CRYBG1: variants seen among roughly 807,000 people sequenced by gnomAD.
CRYBG1 encodes crystallin beta-gamma domain containing 1.
A neutral mutation model predicts 189.2 loss-of-function variants in CRYBG1; 139 were observed. That is an observed-to-expected ratio of 0.73 (90% CI 0.64 to 0.85). CRYBG1 has a LOEUF of 0.85. Among genes scored for constraint, CRYBG1 ranks in the 40% least tolerant of loss-of-function variants. The probability of loss-of-function intolerance (pLI) is 0.00; values close to 1 mark genes in which losing one functional copy is unlikely to be tolerated. For missense variants in CRYBG1, 2,611 were observed against 2,675.8 expected (o/e 0.98, Z 0.53); for synonymous variants, 1,023 against 1,017.1 (o/e 1.01, Z -0.11).
chr6:106,399,883 T>G (rs11755599), intron 1 of CRYBG1, among the ~76,000 whole-genome samples: 21,782 of 151,734 alleles, frequency 0.14, 1,742 homozygotes, highest in African/African-American at 0.21. Flanking sequence ...ACACCTGTAA[T>G]CCCAGCACTT....
intron 1 of CRYBG1, among the ~76,000 whole-genome samples, chr6:106,391,316 A>G (rs1417848571): frequency 1.3e-5 from 2 of 152,164 alleles, no homozygotes; most frequent in African/African-American, 2.4e-5. Flanking sequence ...TCCTGACCTC[A>G]GGTGATCTGC....
At chr6:106,541,805 C>T (rs1376243141) in intron 10 of CRYBG1, among the ~76,000 whole-genome samples, 184 bp downstream of exon 10, 9 of 152,130 alleles carry the variant, frequency 5.9e-5, no homozygotes, top group Admixed American at 2.0e-4. Flanking sequence ...CACTTGCCAT[C>T]CTTCAGGGTG....
rs747913472 is a variant in CRYBG1 at position 106,541,587 on chromosome 6, G to T, written c.4847G>T (p.Gly1616Val). 5 of 1,611,640 alleles carry T rather than the reference G, an allele frequency of 3.1e-6. No homozygotes were observed. Among genetic ancestry groups the T allele is most frequent in the Non-Finnish European group, 4.2e-6 (5 of 1,178,254 alleles). ...TTCTTACTATGTTGTTTTTTTCAGG[G>T]TGGCCGTAAAGTTGAATTCCCTACA... ...YIGSMRPLKM[G>V]GRKVEFPTDP... The change falls in exon 10 of 22, where the codon GGT becomes GTT. Residue 1616 changes from glycine to valine, a missense_variant and splice_region_variant. Coordinates refer to ENST00000633556, the MANE Select transcript of CRYBG1 (RefSeq NM_001371242.2).
rs898609015 is a variant in CRYBG1, at chr6:106,571,825, T to C, written c.*3259T>C. ...GACTACAGACAAATCCAAGTGCTGA[T>C]ATTTTTATATCAATTACTGGCCAAA... On this transcript the variant is annotated 3_prime_UTR_variant, in exon 22 of 22. Transcript: ENST00000633556. 1 of 557,996 alleles carries C rather than the reference T, an allele frequency of 1.8e-6. No individual in the cohort carries two copies. The highest frequency in any genetic ancestry group is 2.9e-5 in the East Asian group (1 of 34,068). 34.6% of individuals were successfully genotyped at this position (557,996 alleles called of 1,614,324 possible). A position where few individuals can be genotyped will look rare whatever the true frequency, so the allele number is the denominator to read the frequency against.
intron 1 of CRYBG1, among the ~76,000 whole-genome samples, chr6:106,381,080 C>T (rs138709980): frequency 1.7e-3 from 260 of 152,258 alleles, no homozygotes; most frequent in African/African-American, 6.0e-3. Flanking sequence ...GATGTACATA[C>T]ATTTGTGTCT....
Position 106,539,478 on chromosome 6 carries a change from C to T in CRYBG1, c.4794C>T (p.Ser1598=). Reference sequence around the variant, plus strand: ...AACCTGGTGAATACCCTGACTTGTCCTTCTGGGATACAGAAGAAGCGTACA... The same window carrying T: ...AACCTGGTGAATACCCTGACTTGTCTTTCTGGGATACAGAAGAAGCGTACA... The part of the protein sequence containing the change: ...ILEPGEYPDL[S]FWDTEEAYIG... The change falls in exon 9 of 22, where the codon TCC becomes TCT. Residue 1598 remains serine (S), a synonymous_variant. Transcript: ENST00000633556. 1 of 1,613,918 alleles carries T rather than the reference C, an allele frequency of 6.2e-7. No individual in the cohort carries two copies. The highest frequency in any genetic ancestry group is 8.5e-7 in the Non-Finnish European group (1 of 1,179,882).
chr6:106,437,334 A>T (rs954119490), intron 1 of CRYBG1, among the ~76,000 whole-genome samples: 3 of 152,062 alleles, frequency 2.0e-5, no homozygotes, highest in African/African-American at 7.2e-5. Flanking sequence ...TATTTGCTGA[A>T]AGTATTTTCT....
chr6:106,361,340 A>G (rs1771865815), intron 1 of CRYBG1, among the ~76,000 whole-genome samples: 2 of 152,178 alleles, frequency 1.3e-5, no homozygotes, highest in African/African-American at 4.8e-5. Context: ...TATGACTGCA[A>G]AGTTTTCATG....
In CRYBG1 at chr6:106,553,537, C is replaced by T; in HGVS notation, c.5555C>T (p.Ser1852Phe). 6.2e-7 allele frequency: 1 copy of T among 1,613,534 alleles called. No homozygotes were observed. The highest frequency in any genetic ancestry group is 8.5e-7 in the Non-Finnish European group (1 of 1,179,466). The change falls in exon 16 of 22, where the codon TCT (serine) becomes TTT (phenylalanine). Residue 1852 changes from serine (S) to phenylalanine (F), a missense_variant. Around this residue, in one of 3 missense-constraint regions of CRYBG1, gnomAD observed 1,622 missense variants for 1,735.0 expected, o/e 0.93. Coordinates refer to ENST00000633556, the MANE Select transcript of CRYBG1 (RefSeq NM_001371242.2). Reference sequence around the variant, plus strand: ...ACAAGTCAAATTGATGATTCATTTTCTACCAAGTCTTGCAGAGTTTCAGGA... The same window carrying T: ...ACAAGTCAAATTGATGATTCATTTTTTACCAAGTCTTGCAGAGTTTCAGGA... Reference protein sequence around the residue: ...ETTSQIDDSFSTKSCRVSGGS... With the variant: ...ETTSQIDDSFFTKSCRVSGGS...
rs1206807544 is a variant in CRYBG1, at chr6:106,498,888, T to C, written c.313-12542T>C. Among the ~76,000 whole-genome samples the C allele has an allele frequency of 2.0e-5, 3 of 151,258 alleles. No individual in the cohort carries two copies. The East Asian group carries it at 5.8e-4, about 29-fold the overall frequency. On this transcript the variant is annotated intron_variant, in intron 2 of 21. Transcript: ENST00000633556. Reference sequence around the variant, plus strand: ...AGACCCGTCTCAAAAAGAAAAAAAATAAATATAGAGGTATATTTATTGGCA... The same window carrying C: ...AGACCCGTCTCAAAAAGAAAAAAAACAAATATAGAGGTATATTTATTGGCA...
Position 106,553,564 on chromosome 6 carries a change from G to A in CRYBG1, c.5582G>A (p.Gly1861Asp), listed in dbSNP as rs1475526584. Residue 1861 changes from glycine (G) to aspartate (D), a missense_variant, in exon 16 of 22, where the codon GGC becomes GAC. By Grantham distance (94) the Gly-to-Asp change is moderately conservative (BLOSUM62 -1). This residue lies in a region of CRYBG1 where 1,622 missense variants were observed against 1,735.0 expected (regional missense o/e 0.93). Transcript: ENST00000633556. ...ACCAAGTCTTGCAGAGTTTCAGGAG[G>A]CAGGTAAGTGAAACAAAGGCCTGGC... ...FSTKSCRVSG[G>D]SWVVYDGENF... 2.5e-6 allele frequency: 4 copies of A among 1,603,844 alleles called. No individual in the cohort carries two copies. The highest frequency in any genetic ancestry group is 3.3e-5 in the Admixed American group (2 of 59,934).
chr6:106,506,446 CTTTTTTT>C (rs67154803), intron 2 of CRYBG1, among the ~76,000 whole-genome samples: 2 of 69,920 alleles, frequency 2.9e-5, no homozygotes, highest in African/African-American at 5.6e-5. Flanking sequence ...TTTCTTGTCA[CTTTTTTT>C]TTTTTTTTTT....
intron 2 of CRYBG1, among the ~76,000 whole-genome samples, chr6:106,506,869 C>T (rs1466860925): frequency 6.6e-6 from 1 of 151,884 alleles, no homozygotes; most frequent in East Asian, 1.9e-4. Flanking sequence ...AAAGGAAAAA[C>T]CCTTAGATAG....
At position 106,520,460 on chromosome 6, in the gene CRYBG1, T is replaced by C. The variant is rs1268900833; in HGVS notation, c.3252T>C (p.Pro1084=). The change falls in exon 4 of 22, where the codon CCT becomes CCC. Residue 1084 remains proline (P), a synonymous_variant. Transcript: ENST00000633556. Reference sequence around the variant, plus strand: ...CTGTTACAAATGGCCAGGATAGCCCTGCCAGCCTTTTGAACATTTCTGCTG... The same window carrying C: ...CTGTTACAAATGGCCAGGATAGCCCCGCCAGCCTTTTGAACATTTCTGCTG... ...DQTVTNGQDS[P]ASLLNISAGS... 5 of 1,614,168 alleles carry C rather than the reference T, an allele frequency of 3.1e-6. No individual in the cohort carries two copies. The highest frequency in any genetic ancestry group is 4.2e-6 in the Non-Finnish European group (5 of 1,180,018).
intron 9 of CRYBG1, among the ~76,000 whole-genome samples, chr6:106,539,961 A>AT (rs1774092864): frequency 6.6e-6 from 1 of 152,188 alleles, no homozygotes; most frequent in African/African-American, 2.4e-5. Flanking sequence ...TAGCAGGATG[A>AT]TTTTTTAAAT....
intron 8 of CRYBG1, 79 bp downstream of exon 8, chr6:106,530,394 T>G: frequency 7.5e-7 from 1 of 1,341,034 alleles, no homozygotes. Flanking sequence ...CTTAAGATAC[T>G]CTGACTCTAA....
At position 106,391,928 on chromosome 6, in the gene CRYBG1, CGTGTGTGTGTGTGTGT is replaced by C. The variant is rs57024907; in HGVS notation, c.173+30875_173+30890del. On this transcript the variant is annotated intron_variant, in intron 1 of 21. Coordinates refer to ENST00000633556, the MANE Select transcript of CRYBG1 (RefSeq NM_001371242.2). The stretch of plus-strand genomic sequence containing the variant: ...GTTTCCAAAAGCCTGTTGTTTAAAA[CGTGTGTGTGTGTGTGT>C]GTGTGTGTGTGTGTGTGTGTGTGTG... 4.4e-3 allele frequency among the ~76,000 whole-genome samples: 574 copies of C among 131,398 alleles called. 2 individuals are homozygous for C. The highest frequency in any genetic ancestry group is 5.5e-3 in the Non-Finnish European group (340 of 61,536). The allele number at this position is 131,398 out of a possible 152,430, so 86.2% of individuals were successfully genotyped here.
In CRYBG1 at chr6:106,415,711, G is replaced by C. The variant is rs1194968197; in HGVS notation, c.174-35983G>C. Among the ~76,000 whole-genome samples, 2 of 151,952 alleles carry C rather than the reference G, an allele frequency of 1.3e-5. 1 individual carries two copies. The highest frequency in any genetic ancestry group is 4.8e-5 in the African/African-American group (2 of 41,324). On this transcript the variant is annotated intron_variant, in intron 1 of 21. Transcript: ENST00000633556. Reference sequence around the variant, plus strand: ...ACTGCACTCCAGCCTGGGTGACAGAGTGAGACCCTGTCTCAAAAAAAAAAA... The same window carrying C: ...ACTGCACTCCAGCCTGGGTGACAGACTGAGACCCTGTCTCAAAAAAAAAAA...
rs112870083 is a variant in CRYBG1 at position 106,544,195 on chromosome 6, A to G, written c.5040-376A>G. On this transcript the variant is annotated intron_variant, in intron 11 of 21. Coordinates refer to ENST00000633556, the MANE Select transcript of CRYBG1 (RefSeq NM_001371242.2). ...ATCTTATAGATCTTGCACATTTCCC[A>G]TAGAAGTGCACACTAAAGTTGCTCT... Among the ~76,000 whole-genome samples the G allele has an allele frequency of 6.1e-3, 925 of 152,352 alleles. 8 individuals carry two copies. Among genetic ancestry groups the G allele is most frequent in the African/African-American group, 0.021 (866 of 41,578 alleles).
Sources: allele counts gnomAD v4.1 joint callset (sites outside exome capture counted in the v4.1 genomes callset), GRCh38; gene constraint gnomAD v4.1.1; regional missense constraint gnomAD v4.1.1; transcripts MANE v1.5; gene names NCBI Gene and HGNC (gene_info 2026-07-23, HGNC 2026-07-21).